The following CDKN2A variants were observed in gnomAD, a reference collection of about 807,000 sequenced individuals.
CDKN2A encodes cyclin-dependent kinase inhibitor 2A.
A neutral mutation model predicts 11.1 loss-of-function variants in CDKN2A; 3 were observed. That is an observed-to-expected ratio of 0.27 (90% CI 0.12 to 0.70). The LOEUF (loss-of-function observed/expected upper bound fraction) is 0.70. CDKN2A is among the 30% of genes least tolerant of loss of function. The probability of loss-of-function intolerance (pLI) is 0.77; values close to 1 mark genes in which losing one functional copy is unlikely to be tolerated. For synonymous variants in CDKN2A, 122 were observed against 108.1 expected (o/e 1.13, Z -0.80); for missense variants, 265 against 233.6 (o/e 1.13, Z -0.88).
In CDKN2A at chr9:21,974,850, C is replaced by A. The variant is rs767606303; in HGVS notation, c.-23G>T. On this transcript the variant is annotated 5_prime_UTR_variant, in exon 1 of 3. In the 5' UTR this introduces an upstream ATG that the reference lacks. Transcript: ENST00000304494. The surrounding 1 kb of genome is among the most constrained non-coding windows in gnomAD (Gnocchi z 5.2). ...CATGCTGCTCCCCGCCGCCCGCTGC[C>A]TGCTCTCCCCCTCTCCGCAGCCGCC... The A allele has an allele frequency of 1.3e-6, 2 of 1,549,304 alleles. No homozygotes were observed. The highest frequency in any genetic ancestry group is 1.7e-6 in the Non-Finnish European group (2 of 1,153,622).
At chr9:21,969,830 C>G (rs1230649881) in intron 2 of CDKN2A, 7 of 397,812 alleles carry the variant, frequency 1.8e-5, no homozygotes, top group Admixed American at 8.8e-5. Flanking sequence ...GAGGAGGGGC[C>G]GAGTAAAGAA....
intron 1 of CDKN2A, chr9:21,971,523 C>T (rs1336552025): frequency 2.5e-5 from 11 of 435,342 alleles, no homozygotes; most frequent in Non-Finnish European, 1.2e-5. Flanking sequence ...CCTGTATTTC[C>T]CCTGAGATAC....
In CDKN2A at chr9:21,994,284, G is replaced by A. The variant is rs786202556; in HGVS notation, c.-175-231C>T. ...CCACGAAAACCCTCACTCGCGGCGG[G>A]CCGCACGCGCGCCGAATCCGGAGGG... is the stretch of plus-strand genomic sequence containing the variant. On this transcript the variant is annotated intron_variant, in intron 1 of 3. Transcript: ENST00000494262. 1 of 1,603,856 alleles carries A rather than the reference G, an allele frequency of 6.2e-7. No homozygotes were observed. The highest frequency in any genetic ancestry group is 2.2e-5 in the East Asian group (1 of 44,648).
rs998150319 is a variant in CDKN2A, at chr9:21,983,261, G to C, written c.-4+10621C>G. 5.3e-5 allele frequency among the ~76,000 whole-genome samples: 8 copies of C among 152,034 alleles called. No individual in the cohort carries two copies. In the East Asian group the frequency reaches 1.4e-3, roughly 26 times the overall value. ...AGCTCACATATTTAAAAATAATTAA[G>C]GAATTAGCTGCACATAGAAAATGAA... On this transcript the variant is annotated intron_variant, in intron 2 of 3. Transcript: ENST00000494262.
In CDKN2A at chr9:21,991,066, T is replaced by G. The variant is rs945469351; in HGVS notation, c.-4+2816A>C. ...AAATTCATATTCAATGTAAAAATTTTATATTTAGAAAATGAAACTGTACCC... is the reference window on the plus strand; with the variant it reads ...AAATTCATATTCAATGTAAAAATTTGATATTTAGAAAATGAAACTGTACCC... On this transcript the variant is annotated intron_variant, in intron 2 of 3. Coordinates refer to the CDKN2A transcript ENST00000494262. The surrounding 1 kb of genome is among the most constrained non-coding windows in gnomAD (Gnocchi z 5.2). Among the ~76,000 whole-genome samples, 1 of 152,234 alleles carries G rather than the reference T, an allele frequency of 6.6e-6. No homozygotes were observed. The highest frequency in any genetic ancestry group is 2.4e-5 in the African/African-American group (1 of 41,466).
intron 2 of CDKN2A, among the ~76,000 whole-genome samples, chr9:21,987,515 A>T (rs1820331401): frequency 6.6e-6 from 1 of 151,984 alleles, no homozygotes; most frequent in African/African-American, 2.4e-5. Context: ...AAGACAACGT[A>T]TCTTATATAG....
Position 21,968,800 on chromosome 9 carries a change from A to C in CDKN2A, c.458-558T>G, listed in dbSNP as rs968066796. ...AAACAAAATGGATGCTCATTTATTC[A>C]TGTGCTCTGGCTTCTGCCTTCCTCT... is the stretch of plus-strand genomic sequence containing the variant. On this transcript the variant is annotated intron_variant, in intron 2 of 2. Coordinates refer to ENST00000304494, the MANE Select transcript of CDKN2A (RefSeq NM_000077.5). The surrounding 1 kb of genome is among the most constrained non-coding windows in gnomAD (Gnocchi z 4.7). 9.1e-6 allele frequency: 14 copies of C among 1,535,160 alleles called. No homozygotes were observed. In the Admixed American group the frequency reaches 1.8e-4, roughly 19 times the overall value.
At chr9:21,969,757 C>G in intron 2 of CDKN2A, 1 of 398,228 alleles carries the variant, frequency 2.5e-6, no homozygotes, top group Non-Finnish European at 4.4e-6. Context: ...GCCGAAGTCT[C>G]CTTCTTCACC....
At chr9:21,985,358 AT>A (rs1269821754) in intron 2 of CDKN2A, among the ~76,000 whole-genome samples, 1 of 151,994 alleles carries the variant, frequency 6.6e-6, no homozygotes, top group Non-Finnish European at 1.5e-5. Flanking sequence ...TTGCATAAAA[AT>A]AACTGAAGGT....
At chr9:21,989,545 C>A (rs927409942) in intron 2 of CDKN2A, 1 of 152,178 alleles carries the variant, frequency 6.6e-6, no homozygotes, top group Admixed American at 6.5e-5. Flanking sequence ...ACTCTTGGGT[C>A]TCCATCTGGC....
intron 2 of CDKN2A, among the ~76,000 whole-genome samples, chr9:21,980,909 A>C (rs1234213382): frequency 3.6e-5 from 5 of 139,584 alleles, no homozygotes; most frequent in Admixed American, 7.3e-5. Context: ...CAGTGAGCCG[A>C]GATCGCGCCA....
chr9:21,982,662 AC>A (rs1820220613), intron 2 of CDKN2A, among the ~76,000 whole-genome samples: 1 of 152,110 alleles, frequency 6.6e-6, no homozygotes, highest in Non-Finnish European at 1.5e-5. Flanking sequence ...ATCCTGAGGA[AC>A]AAAATAAGTA....
intron 2 of CDKN2A, among the ~76,000 whole-genome samples, chr9:21,985,221 G>A (rs1820274187): frequency 6.6e-6 from 1 of 151,914 alleles, no homozygotes. Flanking sequence ...AATGATAACA[G>A]AATATACTGT....
Position 21,991,061 on chromosome 9 carries a change from A to C in CDKN2A, c.-4+2821T>G, listed in dbSNP as rs529320142. 3.9e-5 allele frequency among the ~76,000 whole-genome samples: 6 copies of C among 152,214 alleles called. No individual in the cohort carries two copies. Among genetic ancestry groups the C allele is most frequent in the South Asian group, 2.1e-4 (1 of 4,832 alleles). On this transcript the variant is annotated intron_variant, in intron 2 of 3. Transcript: ENST00000494262. The surrounding 1 kb of genome is among the most constrained non-coding windows in gnomAD (Gnocchi z 5.2). ...CTTAAAAATTCATATTCAATGTAAA[A>C]ATTTTATATTTAGAAAATGAAACTG...
chr9:21,973,236 A>G (rs1819863011), intron 1 of CDKN2A, among the ~76,000 whole-genome samples: 1 of 152,226 alleles, frequency 6.6e-6, no homozygotes, highest in Non-Finnish European at 1.5e-5. Flanking sequence ...AGCAAAAAGA[A>G]AATGAATCAA....
rs1312098751 is a variant in CDKN2A at position 21,974,411 on chromosome 9, T to C, written c.150+267A>G. ...ATCTGATAAAGAGCATACTTCCATC[T>C]AATACAAATATGTTCCCCCCTTCAG... On this transcript the variant is annotated intron_variant, in intron 1 of 2. Transcript: ENST00000304494. The surrounding 1 kb of genome is among the most constrained non-coding windows in gnomAD (Gnocchi z 5.2). 1 of 1,600,578 alleles carries C rather than the reference T, an allele frequency of 6.2e-7. No individual in the cohort carries two copies. Among genetic ancestry groups the C allele is most frequent in the East Asian group, 2.3e-5 (1 of 44,132 alleles).
At chr9:21,975,136 A>G, upstream of CDKN2A, 1 of 1,220,780 alleles carries the variant, frequency 8.2e-7, no homozygotes, top group Non-Finnish European at 1.0e-6. Context: ...AGCCCTCGCC[A>G]GAGCCAGCGT....
chr9:21,978,195 C>G (rs543060812), upstream of CDKN2A, among the ~76,000 whole-genome samples: 71 of 151,556 alleles, frequency 4.7e-4, no homozygotes, highest in African/African-American at 1.6e-3. Flanking sequence ...TGCAGCACAC[C>G]AACATGGCAC....
At chr9:21,989,097 A>G (rs1057067263) in intron 2 of CDKN2A, among the ~76,000 whole-genome samples, 3 of 152,274 alleles carry the variant, frequency 2.0e-5, no homozygotes, top group Admixed American at 6.5e-5. Flanking sequence ...ACAAATAGAA[A>G]AAAAACGCTA....
Sources: gnomAD v4.1 joint callset for allele counts (sites outside exome capture counted in the v4.1 genomes callset) on GRCh38, gnomAD v4.1.1 for gene constraint, Gnocchi (gnomAD v3.1) non-coding constraint, MANE v1.5 for transcripts, NCBI Gene and HGNC (gene_info 2026-07-23, HGNC 2026-07-21) for gene names.